Variants in PKD2L2 observed in about 807,000 individuals in gnomAD.
PKD2L2 encodes the protein polycystin 2 like 2, transient receptor potential cation channel.
In PKD2L2, 67 loss-of-function variants were observed where a neutral mutation model predicts 83.9. The ratio of observed to expected loss-of-function variants is 0.80; its 90% CI spans 0.66 to 0.98. The LOEUF is 0.98. Ranked by LOEUF, PKD2L2 falls within the 50% of genes least tolerant of loss-of-function variation. The pLI is 0.00. For missense variants in PKD2L2, 632 were observed against 717.2 expected (o/e 0.88, Z 1.36); for synonymous variants, 223 against 237.8 (o/e 0.94, Z 0.57).
At position 137,890,600 on chromosome 5, in the gene PKD2L2, A is replaced by G. The variant is rs1755879559; in HGVS notation, c.133+18A>G. On this transcript the variant is annotated intron_variant, in intron 2 of 14. Transcript: ENST00000508883. Reference sequence around the variant, plus strand: ...ATGTATATGTAAGTACACAGATATAAAGATGCTGTTTGTTTGAACTAAGAA... The same window carrying G: ...ATGTATATGTAAGTACACAGATATAGAGATGCTGTTTGTTTGAACTAAGAA... 9.6e-7 allele frequency: 1 copy of G among 1,042,552 alleles called. No homozygotes were observed. Among genetic ancestry groups the G allele is most frequent in the African/African-American group, 1.6e-5 (1 of 60,620 alleles). 64.6% of individuals were successfully genotyped at this position (1,042,552 alleles called of 1,614,324 possible). A position where few individuals can be genotyped will look rare whatever the true frequency, so the allele number is the denominator to read the frequency against.
intron 14 of PKD2L2, 44 bp downstream of exon 14, chr5:137,936,471 TTTG>T: frequency 6.6e-7 from 1 of 1,505,792 alleles, no homozygotes; most frequent in Non-Finnish European, 8.9e-7. Flanking sequence ...TTTTTTTTTT[TTTG>T]AGACGGAGTC....
chr5:137,942,590 T>C lies in PKD2L2; in HGVS notation c.*224T>C. 2.9e-6 allele frequency: 1 copy of C among 346,476 alleles called. No individual in the cohort carries two copies. Among genetic ancestry groups the C allele is most frequent in the Non-Finnish European group, 5.2e-6 (1 of 192,652 alleles). The allele number at this position is 346,476 out of a possible 1,614,324, so 21.5% of individuals were successfully genotyped here. Reference sequence around the variant, plus strand: ...ATTGCCCAGGCTGGTCTTGAACTCCTGGCCTCAAGGGATCCTCCTGCCTCA... The same window carrying C: ...ATTGCCCAGGCTGGTCTTGAACTCCCGGCCTCAAGGGATCCTCCTGCCTCA... On this transcript the variant is annotated 3_prime_UTR_variant, in exon 15 of 15. Transcript: ENST00000508883.
rs1389777243 is a variant in PKD2L2, at chr5:137,894,533, T to C, written c.448T>C (p.Leu150=). 6.2e-7 allele frequency: 1 copy of C among 1,613,608 alleles called. No individual in the cohort carries two copies. Among genetic ancestry groups the C allele is most frequent in the Non-Finnish European group, 8.5e-7 (1 of 1,179,538 alleles). ...CAAAGTCTATTCATCTTTTCAGTCT[T>C]TGATGAGTGAATGTTATGGCAAATA... The part of the protein sequence containing the change: ...TCKVYSSFQS[L]MSECYGKYTS... Residue 150 remains leucine, a synonymous_variant, in exon 4 of 15, where the codon TTG becomes CTG. Coordinates refer to ENST00000508883, the MANE Select transcript of PKD2L2 (RefSeq NM_001300921.2).
intron 5 of PKD2L2, among the ~76,000 whole-genome samples, chr5:137,903,542 C>G (rs1293123877): frequency 1.3e-5 from 2 of 152,134 alleles, no homozygotes; most frequent in East Asian, 3.9e-4. Flanking sequence ...AGGAAACCAA[C>G]AGATTTTAAT....
At chr5:137,927,013 A>T (rs566579078) in intron 12 of PKD2L2, among the ~76,000 whole-genome samples, 1 of 152,346 alleles carries the variant, frequency 6.6e-6, no homozygotes, top group African/African-American at 2.4e-5. Flanking sequence ...AGAATGATGG[A>T]GTATCTGTTA....
At position 137,909,550 on chromosome 5, in the gene PKD2L2, T is replaced by C. The variant is rs1046045342; in HGVS notation, c.1328+604T>C. Among the ~76,000 whole-genome samples the C allele has an allele frequency of 8.1e-5, 12 of 148,308 alleles. 1 individual carries two copies. The highest frequency in any genetic ancestry group is 4.1e-4 in the Admixed American group (6 of 14,806). ...CTGGACAAAAGAAATTTTTTTTTTT[T>C]TTTTTTTTTTTGAGACAGGGTCTCC... On this transcript the variant is annotated intron_variant, in intron 8 of 14. Coordinates refer to ENST00000508883, the MANE Select transcript of PKD2L2 (RefSeq NM_001300921.2).
At position 137,935,000 on chromosome 5, in the gene PKD2L2, A is replaced by C. The variant is rs369238685; in HGVS notation, c.1672-797A>C. On this transcript the variant is annotated intron_variant, in intron 12 of 14. Transcript: ENST00000508883. ...CACAGAGTGTATGGCACTAGGCATC[A>C]CCATCCTCTCTGAGGAAGGTAATCA... 2.6e-5 allele frequency among the ~76,000 whole-genome samples: 4 copies of C among 152,220 alleles called. No individual in the cohort carries two copies. The East Asian group carries it at 7.7e-4, about 29-fold the overall frequency.
intron 8 of PKD2L2, among the ~76,000 whole-genome samples, chr5:137,913,949 C>A (rs1758086143): frequency 6.7e-6 from 1 of 149,842 alleles, no homozygotes; most frequent in South Asian, 2.1e-4. Context: ...CTCACTGCAG[C>A]CTCCACCTCC....
At chr5:137,918,270 A>G (rs1758562076) in intron 8 of PKD2L2, among the ~76,000 whole-genome samples, 1 of 152,092 alleles carries the variant, frequency 6.6e-6, no homozygotes, top group Non-Finnish European at 1.5e-5. Context: ...GGCATGCACA[A>G]TGACTTTTTA....
At chr5:137,923,807 G>A (rs1260907953) in intron 10 of PKD2L2, among the ~76,000 whole-genome samples, 1 of 152,164 alleles carries the variant, frequency 6.6e-6, no homozygotes, top group Non-Finnish European at 1.5e-5. Context: ...GCAAAGCGCT[G>A]CTGAGTATTA....
intron 8 of PKD2L2, among the ~76,000 whole-genome samples, chr5:137,920,634 G>A (rs1758807595): frequency 6.6e-6 from 1 of 152,018 alleles, no homozygotes; most frequent in Admixed American, 6.5e-5. Context: ...GCACACGCCT[G>A]TAGTCCCAGC....
intron 5 of PKD2L2, among the ~76,000 whole-genome samples, chr5:137,901,427 A>G (rs1382374330): frequency 2.0e-5 from 3 of 151,958 alleles, no homozygotes; most frequent in African/African-American, 7.3e-5. Context: ...AAAAAATGCC[A>G]CAAAGAACAT....
At chr5:137,923,615 G>A (rs1054251289) in intron 10 of PKD2L2, 94 bp downstream of exon 10, 14 of 731,172 alleles carry the variant, frequency 1.9e-5, no homozygotes, top group African/African-American at 5.3e-5. Context: ...CCAAGTGGTC[G>A]TGCTCTCCCC....
At chr5:137,927,181 G>C (rs531942115) in intron 12 of PKD2L2, among the ~76,000 whole-genome samples, 23 of 152,336 alleles carry the variant, frequency 1.5e-4, no homozygotes, top group African/African-American at 4.6e-4. Flanking sequence ...AAGCAGTCAT[G>C]TTAGGGTGGA....
At position 137,894,239 on chromosome 5, in the gene PKD2L2, G is replaced by T. The variant is rs1017890141; in HGVS notation, c.268-114G>T. On this transcript the variant is annotated intron_variant, in intron 3 of 14. Coordinates refer to ENST00000508883, the MANE Select transcript of PKD2L2 (RefSeq NM_001300921.2). ...AGCATTACCATTACCATTAATGGTAGCTTGGTCAATAGTTTGATTTTCATA... is the reference window on the plus strand; with the variant it reads ...AGCATTACCATTACCATTAATGGTATCTTGGTCAATAGTTTGATTTTCATA... 6.7e-6 allele frequency: 6 copies of T among 898,446 alleles called. No homozygotes were observed. In the African/African-American group the frequency reaches 8.3e-5, roughly 12 times the overall value. 55.7% of individuals were successfully genotyped at this position (898,446 alleles called of 1,614,324 possible).
intron 14 of PKD2L2, chr5:137,938,297 T>C (rs1760730156): frequency 6.6e-6 from 1 of 152,648 alleles, no homozygotes; most frequent in Non-Finnish European, 1.5e-5. Flanking sequence ...GGTACTCATA[T>C]AGATTTAGCA....
At position 137,897,767 on chromosome 5, in the gene PKD2L2, C is replaced by T. The variant is rs182504656; in HGVS notation, c.525-1749C>T. On this transcript the variant is annotated intron_variant, in intron 4 of 14. Coordinates refer to ENST00000508883, the MANE Select transcript of PKD2L2 (RefSeq NM_001300921.2). ...TGGAAGTTTCATTAAAACATAGGTA[C>T]TTTTTCCTAGTGGTGTCTCTTTCCC... Among the ~76,000 whole-genome samples, 10 of 152,166 alleles carry T rather than the reference C, an allele frequency of 6.6e-5. No homozygotes were observed. In the East Asian group the frequency reaches 1.9e-3, roughly 29 times the overall value.
intron 5 of PKD2L2, among the ~76,000 whole-genome samples, chr5:137,905,463 G>C (rs1757292619): frequency 6.6e-6 from 1 of 151,856 alleles, no homozygotes; most frequent in Non-Finnish European, 1.5e-5. Flanking sequence ...TTGTTGTTTT[G>C]GGAGCACCTT....
At chr5:137,929,534 C>CAAA (rs756601170) in intron 12 of PKD2L2, among the ~76,000 whole-genome samples, 412 of 3,424 alleles carry the variant, frequency 0.12, 130 homozygotes, top group Non-Finnish European at 0.13. Flanking sequence ...ACAAAATTGC[C>CAAA]AAAAAAAAAA....
Sources: allele counts gnomAD v4.1 joint callset (sites outside exome capture counted in the v4.1 genomes callset), GRCh38; gene constraint gnomAD v4.1.1; transcripts MANE v1.5; gene names NCBI Gene and HGNC (gene_info 2026-07-23, HGNC 2026-07-21).